EXOC6B: variants seen among roughly 807,000 people sequenced by gnomAD.
EXOC6B encodes exocyst complex component 6B.
In EXOC6B, 54 loss-of-function variants were observed where a neutral mutation model predicts 113.5. That is an observed-to-expected ratio of 0.48 (90% CI 0.38 to 0.60). The LOEUF (loss-of-function observed/expected upper bound fraction) is 0.60. EXOC6B is among the 20% of genes least tolerant of loss of function. The pLI is 0.00. For synonymous variants in EXOC6B, 357 were observed against 339.0 expected, an observed-to-expected ratio of 1.05 and a Z score of -0.58; for missense variants, 797 against 977.5, an observed-to-expected ratio of 0.82 and a Z score of 2.46.
intron 20 of EXOC6B, among the ~76,000 whole-genome samples, chr2:72,317,303 C>T (rs1420460129): frequency 2.0e-5 from 3 of 151,978 alleles, no homozygotes; most frequent in African/African-American, 7.3e-5. Context: ...CACTCCCATG[C>T]CCCTTTCCCA....
rs11334254 is a variant in EXOC6B at position 72,523,780 on chromosome 2, C to CAAA, written c.916-8657_916-8655dup. Among the ~76,000 whole-genome samples the CAAA allele has an allele frequency of 7.7e-4, 49 of 63,726 alleles. 1 individual carries two copies. The highest frequency in any genetic ancestry group is 1.3e-3 in the African/African-American group (20 of 15,756). 41.8% of individuals were successfully genotyped at this position (63,726 alleles called of 152,430 possible). A position where few individuals can be genotyped will look rare whatever the true frequency, so the allele number is the denominator to read the frequency against. ...TGGGCGACAGAGCGAGACTCCATCT[C>CAAA]AAAAAAAAAAAAAAAAAAAAAAAAA... On this transcript the variant is annotated intron_variant, in intron 8 of 21. Transcript: ENST00000272427.
intron 18 of EXOC6B, among the ~76,000 whole-genome samples, chr2:72,409,870 A>AAT (rs1031346104): frequency 1.6e-4 from 24 of 151,826 alleles, no homozygotes; most frequent in African/African-American, 3.9e-4. Flanking sequence ...AGTATAATAA[A>AAT]ATATATATAT....
chr2:72,230,564 C>A (rs1420226174), intron 20 of EXOC6B, among the ~76,000 whole-genome samples: 4 of 152,140 alleles, frequency 2.6e-5, no homozygotes, highest in African/African-American at 9.7e-5. Flanking sequence ...TGCATTCTAA[C>A]ATTTTAACTA....
intron 20 of EXOC6B, among the ~76,000 whole-genome samples, chr2:72,253,744 G>A (rs1683167981): frequency 6.6e-6 from 1 of 152,154 alleles, no homozygotes; most frequent in South Asian, 2.1e-4. Flanking sequence ...TGCCTATCAG[G>A]TACTATGCTT....
At chr2:72,302,943 G>C (rs1440000792) in intron 20 of EXOC6B, among the ~76,000 whole-genome samples, 1 of 152,058 alleles carries the variant, frequency 6.6e-6, no homozygotes, top group Non-Finnish European at 1.5e-5. Context: ...GTCTGTTTTT[G>C]TATTGGTTGG....
intron 18 of EXOC6B, among the ~76,000 whole-genome samples, chr2:72,432,094 C>T (rs575176432): frequency 2.6e-5 from 4 of 151,400 alleles, no homozygotes; most frequent in South Asian, 2.1e-4. Context: ...TGGAGTGCAA[C>T]GGCACAATCT....
At chr2:72,785,879 CAT>C (rs1559000638) in intron 1 of EXOC6B, among the ~76,000 whole-genome samples, 1 of 152,202 alleles carries the variant, frequency 6.6e-6, no homozygotes, top group African/African-American at 2.4e-5. Context: ...TTTTCTATCA[CAT>C]AGTCAGGCTG....
chr2:72,457,659 A>G (rs1697326057), intron 18 of EXOC6B, among the ~76,000 whole-genome samples: 1 of 152,078 alleles, frequency 6.6e-6, no homozygotes, highest in South Asian at 2.1e-4. Flanking sequence ...AGCATGCAAA[A>G]TGGGTAACTG....
intron 20 of EXOC6B, among the ~76,000 whole-genome samples, chr2:72,257,893 T>G (rs530470666): frequency 1.2e-3 from 182 of 152,132 alleles, no homozygotes; most frequent in African/African-American, 3.7e-3. Flanking sequence ...CTTTGAAGAG[T>G]TGGAGTTAAA....
intron 16 of EXOC6B, among the ~76,000 whole-genome samples, chr2:72,482,160 T>C (rs1387280192): frequency 6.6e-6 from 1 of 152,174 alleles, no homozygotes; most frequent in Non-Finnish European, 1.5e-5. Context: ...CATGATTGTG[T>C]ACATTAGACT....
chr2:72,523,561 G>A (rs1701597499), intron 8 of EXOC6B, among the ~76,000 whole-genome samples: 2 of 152,034 alleles, frequency 1.3e-5, no homozygotes, highest in African/African-American at 4.8e-5. Flanking sequence ...GGCAGATCAC[G>A]AGGTCAGGAG....
intron 17 of EXOC6B, 73 bp downstream of exon 17, chr2:72,480,543 A>G (rs1699019041): frequency 7.7e-7 from 1 of 1,301,860 alleles, no homozygotes; most frequent in Non-Finnish European, 1.0e-6. Flanking sequence ...TACAGAAACA[A>G]GGCCATGTTA....
At chr2:72,707,138 ATTCCTGACCCACAGATT>A (rs1407941500) in intron 6 of EXOC6B, among the ~76,000 whole-genome samples, 1 of 152,098 alleles carries the variant, frequency 6.6e-6, no homozygotes, top group African/African-American at 2.4e-5. Flanking sequence ...CCCTTACCAA[ATTCCTGACCCACAGATT>A]TTACAAGCAT....
intron 6 of EXOC6B, among the ~76,000 whole-genome samples, chr2:72,652,780 C>T (rs1024445094): frequency 2.4e-4 from 35 of 147,050 alleles, no homozygotes; most frequent in East Asian, 9.8e-4. Flanking sequence ...ATATAATATA[C>T]GTAATATAAT....
At chr2:72,402,990 CA>C (rs1413266200) in intron 18 of EXOC6B, among the ~76,000 whole-genome samples, 29 of 152,016 alleles carry the variant, frequency 1.9e-4, no homozygotes, top group Non-Finnish European at 3.4e-4. Context: ...AAACCAAGAC[CA>C]AAAAACCAAA....
chr2:72,271,396 GC>G (rs1027442039), intron 20 of EXOC6B, among the ~76,000 whole-genome samples: 4 of 152,084 alleles, frequency 2.6e-5, no homozygotes, highest in African/African-American at 9.7e-5. Flanking sequence ...TGAGGAGGAG[GC>G]CTTGAGAGTC....
At chr2:72,510,460 A>C (rs970720910) in intron 11 of EXOC6B, among the ~76,000 whole-genome samples, 1 of 151,744 alleles carries the variant, frequency 6.6e-6, no homozygotes, top group East Asian at 1.9e-4. Flanking sequence ...GAAAAAAAAC[A>C]AAACCAAAAA....
intron 18 of EXOC6B, among the ~76,000 whole-genome samples, chr2:72,458,572 G>C (rs1181332096): frequency 2.0e-5 from 3 of 152,070 alleles, no homozygotes; most frequent in Non-Finnish European, 4.4e-5. Context: ...ATTCTGAATG[G>C]TACATGGTAA....
At chr2:72,220,247 CCATT>C (rs908754037) in intron 20 of EXOC6B, among the ~76,000 whole-genome samples, 44 of 152,276 alleles carry the variant, frequency 2.9e-4, no homozygotes, top group African/African-American at 9.4e-4. Flanking sequence ...GGACTATACT[CCATT>C]CTTTCTTAAT....
Sources: gnomAD v4.1 joint callset for allele counts (sites outside exome capture counted in the v4.1 genomes callset) on GRCh38, gnomAD v4.1.1 for gene constraint, MANE v1.5 for transcripts, NCBI Gene and HGNC (gene_info 2026-07-23, HGNC 2026-07-21) for gene names.